The following JAM3 variants were observed in gnomAD, a reference collection of about 807,000 sequenced individuals.
The protein encoded by JAM3 is junctional adhesion molecule 3, also known as junctional adhesion molecule C.
Under a neutral mutation model 39.4 loss-of-function variants are expected in JAM3, and 31 were observed. That is an observed-to-expected ratio of 0.79 (90% CI 0.59 to 1.06). The LOEUF is 1.06. Among genes scored for constraint, JAM3 ranks in the 50% least tolerant of loss-of-function variants. JAM3 has a pLI of 0.00. For synonymous variants in JAM3, 182 were observed against 148.7 expected, an observed-to-expected ratio of 1.22 and a Z score of -1.63; for missense variants, 455 against 391.4, an observed-to-expected ratio of 1.16 and a Z score of -1.37.
chr11:134,133,027 T>C (rs1251170721), intron 1 of JAM3, among the ~76,000 whole-genome samples: 1 of 152,236 alleles, frequency 6.6e-6, no homozygotes. Flanking sequence ...CTGACAAATC[T>C]AAGAAGAGTT....
At chr11:134,076,094 TA>T (rs1004487720) in intron 1 of JAM3, among the ~76,000 whole-genome samples, 21 of 151,804 alleles carry the variant, frequency 1.4e-4, no homozygotes, top group Non-Finnish European at 3.1e-4. Flanking sequence ...GTTCTTTTTA[TA>T]ATCAAGTTGT....
intron 1 of JAM3, among the ~76,000 whole-genome samples, chr11:134,092,571 A>G (rs972575596): frequency 1.3e-5 from 2 of 148,946 alleles, no homozygotes; most frequent in Non-Finnish European, 3.0e-5. Context: ...TCCATCTTAC[A>G]TGTCACTTCC....
At chr11:134,131,093 A>G (rs1252038836) in intron 1 of JAM3, among the ~76,000 whole-genome samples, 2 of 152,148 alleles carry the variant, frequency 1.3e-5, no homozygotes, top group Middle Eastern at 3.2e-3. Flanking sequence ...AAGACACATG[A>G]TCAGAAAAGC....
intron 1 of JAM3, among the ~76,000 whole-genome samples, chr11:134,125,676 T>C (rs1374742117): frequency 6.6e-6 from 1 of 152,174 alleles, no homozygotes; most frequent in Non-Finnish European, 1.5e-5. Flanking sequence ...GAACGTGCTG[T>C]GAGACGCAGC....
intron 1 of JAM3, among the ~76,000 whole-genome samples, chr11:134,092,270 G>A (rs1243356411): frequency 1.3e-5 from 2 of 152,212 alleles, no homozygotes; most frequent in Non-Finnish European, 2.9e-5. Flanking sequence ...TTGTTGCCTG[G>A]CGGAGCCCTC....
intron 1 of JAM3, among the ~76,000 whole-genome samples, chr11:134,120,922 C>A (rs1269649610): frequency 6.6e-6 from 1 of 152,172 alleles, no homozygotes; most frequent in African/African-American, 2.4e-5. Context: ...GCTGTAGAAG[C>A]ATTTTATAGC....
chr11:134,144,325 G>T lies in JAM3; in HGVS notation c.341G>T (p.Arg114Leu). The change falls in exon 4 of 9, where the codon CGC becomes CTC. Residue 114 changes from arginine (R) to leucine (L), a missense_variant. Physicochemically the swap from Arg to Leu is moderately radical, Grantham distance 102. Transcript: ENST00000299106. The stretch of plus-strand genomic sequence containing the variant: ...ACACGGAGAGACTCAGCCCTTTATC[G>T]CTGTGAGGTCGTTGCTCGAAATGAC... Reference protein sequence around the residue: ...NVTRRDSALYRCEVVARNDRK... With the variant: ...NVTRRDSALYLCEVVARNDRK... The T allele has an allele frequency of 6.2e-7, 1 of 1,614,174 alleles. No homozygotes were observed. Among genetic ancestry groups the T allele is most frequent in the Non-Finnish European group, 8.5e-7 (1 of 1,180,022 alleles).
At chr11:134,113,037 T>C (rs1363819987) in intron 1 of JAM3, among the ~76,000 whole-genome samples, 1 of 152,156 alleles carries the variant, frequency 6.6e-6, no homozygotes, top group East Asian at 1.9e-4. Context: ...GAGGGATCAC[T>C]TGAACCCAAG....
intron 1 of JAM3, among the ~76,000 whole-genome samples, chr11:134,069,935 G>A (rs981930329): frequency 6.6e-6 from 1 of 152,186 alleles, no homozygotes; most frequent in African/African-American, 2.4e-5. Flanking sequence ...ACTCTTATCC[G>A]GAAATAGCAT....
intron 1 of JAM3, among the ~76,000 whole-genome samples, chr11:134,073,644 A>G (rs1941517674): frequency 6.6e-6 from 1 of 152,204 alleles, no homozygotes; most frequent in African/African-American, 2.4e-5. Context: ...AAAATGGGTA[A>G]AACATCGCCA....
intron 1 of JAM3, among the ~76,000 whole-genome samples, chr11:134,096,668 C>T (rs1941990733): frequency 6.6e-6 from 1 of 152,194 alleles, no homozygotes; most frequent in Admixed American, 6.5e-5. Flanking sequence ...TTTTCCCTTC[C>T]TGCAAGCAAG....
intron 1 of JAM3, among the ~76,000 whole-genome samples, chr11:134,105,821 A>G (rs550119439): frequency 6.6e-6 from 1 of 152,350 alleles, no homozygotes; most frequent in East Asian, 1.9e-4. Flanking sequence ...AAGGAGAACT[A>G]GAAACCACTG....
At chr11:134,142,668 T>C (rs1215596693) in intron 3 of JAM3, among the ~76,000 whole-genome samples, 2 of 152,206 alleles carry the variant, frequency 1.3e-5, no homozygotes, top group Non-Finnish European at 2.9e-5. Flanking sequence ...AAGTGTGCAG[T>C]TCAGGGGTTT....
intron 1 of JAM3, among the ~76,000 whole-genome samples, chr11:134,096,236 G>A (rs954573190): frequency 6.6e-6 from 1 of 152,124 alleles, no homozygotes; most frequent in Non-Finnish European, 1.5e-5. Flanking sequence ...GCCTCGGCCT[G>A]GGATTACAGG....
At chr11:134,070,052 A>G (rs1262298949) in intron 1 of JAM3, 7 of 408,888 alleles carry the variant, frequency 1.7e-5, no homozygotes, top group South Asian at 5.5e-5. Flanking sequence ...ACAGTTGTAC[A>G]GAGGACTAAA....
At chr11:134,113,024 G>A (rs1942347632) in intron 1 of JAM3, among the ~76,000 whole-genome samples, 2 of 152,256 alleles carry the variant, frequency 1.3e-5, no homozygotes, top group East Asian at 1.9e-4. Flanking sequence ...GTGCACTCTG[G>A]GAGAGGGATC....
intron 1 of JAM3, among the ~76,000 whole-genome samples, chr11:134,086,600 A>T (rs1168715062): frequency 6.6e-6 from 1 of 152,230 alleles, no homozygotes; most frequent in African/African-American, 2.4e-5. Context: ...TGGAAATTCC[A>T]GCATATTTTT....
At chr11:134,088,643 A>G (rs528946621) in intron 1 of JAM3, among the ~76,000 whole-genome samples, 1 of 152,338 alleles carries the variant, frequency 6.6e-6, no homozygotes, top group Admixed American at 6.5e-5. Context: ...ACATTAAATC[A>G]CTAGCAATAG....
At chr11:134,125,023 C>CGGT (rs1373048938) in intron 1 of JAM3, among the ~76,000 whole-genome samples, 3 of 152,230 alleles carry the variant, frequency 2.0e-5, no homozygotes. Context: ...GACACCCGCC[C>CGGT]GGTGGCGGCG....
Sources: allele counts gnomAD v4.1 joint callset (sites outside exome capture counted in the v4.1 genomes callset), GRCh38; gene constraint gnomAD v4.1.1; transcripts MANE v1.5; gene names NCBI Gene and HGNC (gene_info 2026-07-23, HGNC 2026-07-21).